Variants in PPP1R21 observed in about 807,000 individuals in gnomAD.
PPP1R21 encodes the protein KLRAQ motif containing 1.
In PPP1R21, 85 loss-of-function variants were observed where a neutral mutation model predicts 112.8. The observed-to-expected ratio is 0.75, with a 90% CI of 0.63 to 0.90. The LOEUF (loss-of-function observed/expected upper bound fraction) is 0.90. Ranked by LOEUF, PPP1R21 falls within the 40% of genes least tolerant of loss-of-function variation. The pLI is 0.00. For synonymous variants in PPP1R21, 381 were observed against 322.3 expected, an observed-to-expected ratio of 1.18 and a Z score of -1.95; for missense variants, 1,199 against 901.5, an observed-to-expected ratio of 1.33 and a Z score of -4.23.
At chr2:48,505,640 G>T in intron 18 of PPP1R21, 44 bp downstream of exon 18, 2 of 1,478,660 alleles carry the variant, frequency 1.4e-6, no homozygotes, top group Non-Finnish European at 1.9e-6. Flanking sequence ...TAAATATCTG[G>T]CAGCATGTTT....
chr2:48,510,823 A>T (rs1670605422), intron 20 of PPP1R21, among the ~76,000 whole-genome samples: 1 of 152,218 alleles, frequency 6.6e-6, no homozygotes, highest in African/African-American at 2.4e-5. Context: ...TTGGAAAGAT[A>T]ATGAGGCCAT....
intron 20 of PPP1R21, among the ~76,000 whole-genome samples, 170 bp downstream of exon 20, chr2:48,510,283 G>A (rs538720733): frequency 4.0e-4 from 61 of 152,330 alleles, no homozygotes; most frequent in Non-Finnish European, 7.2e-4. Flanking sequence ...TAGGCAAAAA[G>A]TAGTTGTATT....
At chr2:48,453,925 C>T (rs1158712434) in intron 2 of PPP1R21, among the ~76,000 whole-genome samples, 1 of 152,032 alleles carries the variant, frequency 6.6e-6, no homozygotes, top group Non-Finnish European at 1.5e-5. Context: ...CATTCTTTTT[C>T]ACTGAAGGGA....
Position 48,458,177 on chromosome 2 carries a change from G to A in PPP1R21, c.325G>A (p.Asp109Asn). 1 of 1,612,636 alleles carries A rather than the reference G, an allele frequency of 6.2e-7. No individual in the cohort carries two copies. The highest frequency in any genetic ancestry group is 8.5e-7 in the Non-Finnish European group (1 of 1,179,074). ...GAGTCAAGAGCAGAAGAGTGTCTTTGATGAAGATCTGCAAAAGAAGATAGA... is the reference window on the plus strand; with the variant it reads ...GAGTCAAGAGCAGAAGAGTGTCTTTAATGAAGATCTGCAAAAGAAGATAGA... ...QLSQEQKSVFDEDLQKKIEEN... is the reference protein window; with the variant it reads ...QLSQEQKSVFNEDLQKKIEEN... Residue 109 changes from aspartate to asparagine, a missense_variant, in exon 4 of 22, where the codon GAT becomes AAT. By Grantham distance (23) the Asp-to-Asn change is conservative. Coordinates refer to ENST00000294952, the MANE Select transcript of PPP1R21 (RefSeq NM_001135629.3).
In PPP1R21 at chr2:48,497,776, C is replaced by T. The variant is rs576618689; in HGVS notation, c.1693-717C>T. Among the ~76,000 whole-genome samples the T allele has an allele frequency of 5.3e-5, 8 of 151,956 alleles. No individual in the cohort carries two copies. In the East Asian group the frequency reaches 9.7e-4, roughly 18 times the overall value. On this transcript the variant is annotated intron_variant, in intron 16 of 21. Transcript: ENST00000294952. ...ACGCCATTCTCCTGCCTCAGCCTCC[C>T]GAGTAGCTGGGACTACAGGCGCCCG...
intron 2 of PPP1R21, 128 bp from the exon 3 acceptor site, chr2:48,454,467 C>G (rs1441856788): frequency 9.1e-7 from 1 of 1,093,126 alleles, no homozygotes; most frequent in East Asian, 2.6e-5. Context: ...AAGTGATACA[C>G]ATACAACCTG....
chr2:48,469,471 TATATATATATATAGAGC>T (rs1360907074), intron 9 of PPP1R21, among the ~76,000 whole-genome samples: 3,044 of 38,988 alleles, frequency 0.078, 538 homozygotes, highest in Non-Finnish European at 0.095. Flanking sequence ...ATATAGAGCA[TATATATATATATAGAGC>T]ATATATATAT....
chr2:48,459,714 T>A, intron 4 of PPP1R21, 40 bp from the exon 5 acceptor site: 1 of 1,594,848 alleles, frequency 6.3e-7, no homozygotes, highest in Non-Finnish European at 8.5e-7. Context: ...TTATGTATAT[T>A]AGGATATTGT....
At chr2:48,466,387 T>G (rs1014572520) in intron 9 of PPP1R21, among the ~76,000 whole-genome samples, 3 of 151,924 alleles carry the variant, frequency 2.0e-5, no homozygotes, top group Non-Finnish European at 4.4e-5. Context: ...ATTTTTTTTT[T>G]CTTTTTTTTC....
chr2:48,470,148 A>G lies in PPP1R21; in HGVS notation c.898-939A>G, dbSNP rs530667213. On this transcript the variant is annotated intron_variant, in intron 9 of 21. Transcript: ENST00000294952. ...TTGCCTATAAATTTTCTAAATGCCT[A>G]TAGGATTTTTTTCTGAAGCTATTCT... 1.1e-4 allele frequency among the ~76,000 whole-genome samples: 17 copies of G among 152,310 alleles called. No homozygotes were observed. In the East Asian group the frequency reaches 2.1e-3, roughly 19 times the overall value.
intron 17 of PPP1R21, among the ~76,000 whole-genome samples, chr2:48,504,547 G>C (rs182516602): frequency 6.6e-6 from 1 of 151,878 alleles, no homozygotes; most frequent in African/African-American, 2.4e-5. Flanking sequence ...AGGCTGAGGC[G>C]GGAGAATTGC....
chr2:48,490,010 C>G (rs1238204577), intron 14 of PPP1R21, among the ~76,000 whole-genome samples: 1 of 151,616 alleles, frequency 6.6e-6, no homozygotes, highest in African/African-American at 2.4e-5. Context: ...GTGCCACCGC[C>G]CTCCAGCCTG....
At chr2:48,509,850 G>C (rs1025943118) in intron 19 of PPP1R21, among the ~76,000 whole-genome samples, 165 bp from the exon 20 acceptor site, 2 of 152,168 alleles carry the variant, frequency 1.3e-5, no homozygotes, top group African/African-American at 4.8e-5. Flanking sequence ...TTCTTTCTTA[G>C]GTGTACTCTG....
At chr2:48,449,277 C>CAT (rs924748416) in intron 1 of PPP1R21, among the ~76,000 whole-genome samples, 1 of 152,090 alleles carries the variant, frequency 6.6e-6, no homozygotes, top group African/African-American at 2.4e-5. Flanking sequence ...AGTGCTTTGA[C>CAT]ATAGGTTTCT....
At position 48,471,096 on chromosome 2, in the gene PPP1R21, T is replaced by C. The variant is rs768716707; in HGVS notation, c.907T>C (p.Tyr303His). 6.2e-7 allele frequency: 1 copy of C among 1,607,062 alleles called. No homozygotes were observed. The stretch of plus-strand genomic sequence containing the variant: ...TTTCCCTCCTGTTTAGTTCTCACAA[T>C]ACCTTCATGAAAATGCGTCCTATGT... ...ISPLNQKFSQ[Y>H]LHENASYVRP... The change falls in exon 10 of 22, where the codon TAC (tyrosine) becomes CAC (histidine). Residue 303 changes from tyrosine (Y) to histidine (H), a missense_variant. Transcript: ENST00000294952.
chr2:48,468,558 A>G (rs985079456), intron 9 of PPP1R21, among the ~76,000 whole-genome samples: 2 of 152,154 alleles, frequency 1.3e-5, no homozygotes, highest in Admixed American at 6.5e-5. Flanking sequence ...CACACCTGTA[A>G]TCCTAGTACT....
intron 15 of PPP1R21, among the ~76,000 whole-genome samples, chr2:48,495,135 G>A (rs572881276): frequency 6.6e-6 from 1 of 152,270 alleles, no homozygotes; most frequent in East Asian, 1.9e-4. Context: ...TTGCACCATC[G>A]TAAAGTCATC....
intron 15 of PPP1R21, among the ~76,000 whole-genome samples, chr2:48,494,058 C>CA (rs70943344): frequency 0.43 from 27,064 of 63,192 alleles, 5,576 homozygotes; most frequent in Non-Finnish European, 0.52. Context: ...CTCGTCTCTC[C>CA]AAAAAAAAAA....
intron 15 of PPP1R21, among the ~76,000 whole-genome samples, chr2:48,493,891 TATG>T (rs947720040): frequency 2.0e-5 from 3 of 151,872 alleles, no homozygotes; most frequent in Middle Eastern, 6.3e-3. Flanking sequence ...CTCCTTGACT[TATG>T]ATGGGATTAC....
Sources: allele counts gnomAD v4.1 joint callset (sites outside exome capture counted in the v4.1 genomes callset), GRCh38; gene constraint gnomAD v4.1.1; transcripts MANE v1.5; gene names NCBI Gene and HGNC (gene_info 2026-07-23, HGNC 2026-07-21).